Variants in MAN1C1 observed in about 807,000 individuals in gnomAD.
MAN1C1 encodes the protein mannosyl-oligosaccharide 1,2-alpha-mannosidase IC.
A neutral mutation model predicts 71.5 loss-of-function variants in MAN1C1; 49 were observed. That is an observed-to-expected ratio of 0.69 (90% confidence interval 0.54 to 0.87). The LOEUF (loss-of-function observed/expected upper bound fraction) is 0.87. MAN1C1 is among the 40% of genes least tolerant of loss of function. MAN1C1 has a pLI of 0.00. For synonymous variants in MAN1C1, 352 were observed against 343.7 expected (o/e 1.02, Z -0.27); for missense variants, 743 against 835.0 (o/e 0.89, Z 1.36).
In MAN1C1 at chr1:25,763,738, G is replaced by A. The variant is rs990313187; in HGVS notation, c.1048-136G>A. 4 of 708,506 alleles carry A rather than the reference G, an allele frequency of 5.6e-6. No individual in the cohort carries two copies. In the Admixed American group the frequency reaches 8.8e-5, roughly 15 times the overall value. 43.9% of individuals were successfully genotyped at this position (708,506 alleles called of 1,614,324 possible). A position where few individuals can be genotyped will look rare whatever the true frequency, so the allele number is the denominator to read the frequency against. The stretch of plus-strand genomic sequence containing the variant: ...CCCGGGTTGGAGCCTGCAGTCCGTT[G>A]GGCAGCTCTCCCTTCCTGCCTCCTC... On this transcript the variant is annotated intron_variant, in intron 6 of 11. Coordinates refer to ENST00000374332, the MANE Select transcript of MAN1C1 (RefSeq NM_020379.4).
intron 1 of MAN1C1, chr1:25,644,722 T>G (rs1366692626): frequency 1.3e-5 from 2 of 151,692 alleles, no homozygotes; most frequent in Non-Finnish European, 2.9e-5. Context: ...GGTTTTGCCA[T>G]GTGACCCAGC....
intron 9 of MAN1C1, chr1:25,780,714 C>A: frequency 2.0e-6 from 1 of 509,678 alleles, no homozygotes; most frequent in Non-Finnish European, 3.5e-6. Flanking sequence ...AAGCTGCTCA[C>A]ATTTCCAGTC....
chr1:25,674,626 G>GAGTT (rs1202446104), intron 1 of MAN1C1, among the ~76,000 whole-genome samples: 3 of 152,192 alleles, frequency 2.0e-5, no homozygotes, highest in Non-Finnish European at 4.4e-5. Flanking sequence ...GAGGAGGGAG[G>GAGTT]AGTTGTCCAA....
At chr1:25,691,641 C>T (rs1452406317) in intron 2 of MAN1C1, among the ~76,000 whole-genome samples, 1 of 152,206 alleles carries the variant, frequency 6.6e-6, no homozygotes, top group African/African-American at 2.4e-5. Context: ...TCCAAGTCCC[C>T]TGGACCCAGG....
Position 25,730,086 on chromosome 1 carries a change from A to G in MAN1C1, c.638-16582A>G, listed in dbSNP as rs2046888975. Among the ~76,000 whole-genome samples, 1 of 152,030 alleles carries G rather than the reference A, an allele frequency of 6.6e-6. No individual in the cohort carries two copies. Among genetic ancestry groups the G allele is most frequent in the African/African-American group, 2.4e-5 (1 of 41,374 alleles). ...AGAGGTCAGGCCTGATGCATCCTAG[A>G]ATCTTCCTCACCACTGTCCCCACCA... On this transcript the variant is annotated intron_variant, in intron 2 of 11. Coordinates refer to ENST00000374332, the MANE Select transcript of MAN1C1 (RefSeq NM_020379.4). The surrounding 1 kb of genome is among the most constrained non-coding windows in gnomAD (Gnocchi z 4.3).
chr1:25,766,427 A>AT (rs896336212), intron 7 of MAN1C1, among the ~76,000 whole-genome samples: 1 of 151,648 alleles, frequency 6.6e-6, no homozygotes, highest in Non-Finnish European at 1.5e-5. Flanking sequence ...CACGCACATC[A>AT]TTTTCTCTTC....
intron 2 of MAN1C1, among the ~76,000 whole-genome samples, chr1:25,727,296 TGGATAC>T (rs1157777891): frequency 6.6e-6 from 1 of 152,112 alleles, no homozygotes; most frequent in Non-Finnish European, 1.5e-5. Context: ...ACTTTGGAAA[TGGATAC>T]TTCATGTCCT....
At chr1:25,702,886 G>A (rs760100298) in intron 2 of MAN1C1, among the ~76,000 whole-genome samples, 7 of 152,190 alleles carry the variant, frequency 4.6e-5, no homozygotes, top group South Asian at 2.1e-4. Flanking sequence ...CCTATGTAGC[G>A]TTGGACAAAT....
intron 1 of MAN1C1, among the ~76,000 whole-genome samples, chr1:25,624,019 A>G (rs1016003478): frequency 1.3e-5 from 2 of 152,228 alleles, no homozygotes; most frequent in Non-Finnish European, 2.9e-5. Context: ...CATTCAAACA[A>G]TAAGCCCTGG....
intron 11 of MAN1C1, 103 bp from the exon 12 acceptor site, chr1:25,783,560 A>G (rs1263290073): frequency 4.5e-6 from 6 of 1,341,598 alleles, no homozygotes; most frequent in Non-Finnish European, 6.3e-6. Context: ...GACCTTGACC[A>G]TAGGCCTATC....
At chr1:25,632,483 G>A (rs2045396642) in intron 1 of MAN1C1, among the ~76,000 whole-genome samples, 1 of 151,348 alleles carries the variant, frequency 6.6e-6, no homozygotes, top group Admixed American at 6.6e-5. Flanking sequence ...ATTTTTTTAT[G>A]TTTCAATTTC....
intron 4 of MAN1C1, among the ~76,000 whole-genome samples, chr1:25,752,751 C>A (rs1425435262): frequency 6.6e-6 from 1 of 152,246 alleles, no homozygotes; most frequent in Non-Finnish European, 1.5e-5. Context: ...AGGCCTGGGA[C>A]CTCGCTGTGG....
intron 2 of MAN1C1, among the ~76,000 whole-genome samples, chr1:25,708,638 A>G (rs2046559712): frequency 6.6e-6 from 1 of 152,156 alleles, no homozygotes; most frequent in African/African-American, 2.4e-5. Context: ...TAATCCCAGC[A>G]CTTTGGGAGG....
chr1:25,712,717 C>T (rs558311570), intron 2 of MAN1C1, among the ~76,000 whole-genome samples: 12 of 152,304 alleles, frequency 7.9e-5, no homozygotes, highest in Admixed American at 6.5e-5. Context: ...ATCTTCCACC[C>T]GCTTCAACCC....
intron 1 of MAN1C1, among the ~76,000 whole-genome samples, chr1:25,659,969 T>C (rs1157011910): frequency 6.6e-6 from 1 of 152,218 alleles, no homozygotes; most frequent in Non-Finnish European, 1.5e-5. Context: ...TGTTGGTAGC[T>C]CTAAATCAGC....
At chr1:25,699,133 C>A (rs2124211351) in intron 2 of MAN1C1, among the ~76,000 whole-genome samples, 2 of 151,854 alleles carry the variant, frequency 1.3e-5, no homozygotes, top group South Asian at 4.2e-4. Flanking sequence ...ATGGAGAAAC[C>A]CCATCTCTAA....
chr1:25,707,327 C>G (rs757399309), intron 2 of MAN1C1, among the ~76,000 whole-genome samples: 3 of 152,236 alleles, frequency 2.0e-5, no homozygotes, highest in Non-Finnish European at 2.9e-5. Flanking sequence ...CATCAGTGCT[C>G]TGTGCAGAGC....
At chr1:25,626,638 G>A (rs1263400795) in intron 1 of MAN1C1, among the ~76,000 whole-genome samples, 2 of 152,126 alleles carry the variant, frequency 1.3e-5, no homozygotes, top group African/African-American at 2.4e-5. Context: ...GATTACAGGT[G>A]TGAGCCACTG....
intron 1 of MAN1C1, among the ~76,000 whole-genome samples, chr1:25,670,421 T>C (rs2045978761): frequency 6.6e-6 from 1 of 152,246 alleles, no homozygotes; most frequent in African/African-American, 2.4e-5. Flanking sequence ...GCCTCTTTCA[T>C]GTTTCCAAAG....
Sources: gnomAD v4.1 joint callset for allele counts (sites outside exome capture counted in the v4.1 genomes callset) on GRCh38, gnomAD v4.1.1 for gene constraint, Gnocchi (gnomAD v3.1) non-coding constraint, MANE v1.5 for transcripts, NCBI Gene and HGNC (gene_info 2026-07-23, HGNC 2026-07-21) for gene names.